Variants in BMPR1A observed in about 807,000 individuals in gnomAD.
The protein encoded by BMPR1A is bone morphogenetic protein receptor type 1A.
A neutral mutation model predicts 66.0 loss-of-function variants in BMPR1A; 7 were observed. The ratio of observed to expected loss-of-function variants is 0.11; its 90% confidence interval spans 0.06 to 0.20. BMPR1A has a LOEUF of 0.20. Ranked by LOEUF, BMPR1A falls within the 10% of genes least tolerant of loss-of-function variation. The pLI is 1.00. For synonymous variants in BMPR1A, 200 were observed against 229.7 expected (o/e 0.87, Z 1.17); for missense variants, 408 against 669.1 (o/e 0.61, Z 4.31).
chr10:86,906,719 G>A (rs1843394495), intron 7 of BMPR1A, among the ~76,000 whole-genome samples: 1 of 5,886 alleles, frequency 1.7e-4, no homozygotes, highest in South Asian at 0.011. Flanking sequence ...GTGAGACTCC[G>A]TCTCAAAAAA....
chr10:86,848,394 T>C (rs1842516464), intron 2 of BMPR1A, among the ~76,000 whole-genome samples: 1 of 152,172 alleles, frequency 6.6e-6, no homozygotes, highest in Admixed American at 6.5e-5. Context: ...TTTAATATTA[T>C]TATGCTTGAA....
intron 3 of BMPR1A, among the ~76,000 whole-genome samples, chr10:86,882,358 G>A (rs1298175587): frequency 6.6e-6 from 1 of 152,068 alleles, no homozygotes; most frequent in Non-Finnish European, 1.5e-5. Flanking sequence ...GGGAGGTGGA[G>A]GTTGCAGTGA....
chr10:86,769,537 A>T (rs1267026105), intron 1 of BMPR1A, among the ~76,000 whole-genome samples: 1 of 152,216 alleles, frequency 6.6e-6, no homozygotes, highest in Admixed American at 6.5e-5. Flanking sequence ...TGCTAAAGAA[A>T]GCCCTAGGCA....
chr10:86,904,249 A>G (rs959999016), intron 7 of BMPR1A, among the ~76,000 whole-genome samples: 17 of 152,252 alleles, frequency 1.1e-4, no homozygotes, highest in African/African-American at 3.1e-4. Flanking sequence ...CTGAAAGCTC[A>G]GCAAACCCTG....
chr10:86,864,622 T>TA (rs1234511895), intron 2 of BMPR1A, among the ~76,000 whole-genome samples: 1 of 152,100 alleles, frequency 6.6e-6, no homozygotes, highest in Non-Finnish European at 1.5e-5. Flanking sequence ...TATGACAACA[T>TA]AAAAAAACTC....
At chr10:86,932,339 A>G (rs983774925), downstream of BMPR1A, 2 of 152,220 alleles carry the variant, frequency 1.3e-5, no homozygotes, top group African/African-American at 4.8e-5. Flanking sequence ...ACCATAATCT[A>G]TAGACCTTAC....
rs2133591953 is a variant in BMPR1A at position 86,919,332 on chromosome 10, C to T, written c.1029C>T (p.Cys343=). 1 of 1,613,626 alleles carries T rather than the reference C, an allele frequency of 6.2e-7. No individual in the cohort carries two copies. The highest frequency in any genetic ancestry group is 8.5e-7 in the Non-Finnish European group (1 of 1,179,880). ...CTTATTCAGCTGCCTGTGGTCTGTG[C>T]CACCTGCACACAGAAATTTATGGCA... ...KLAYSAACGL[C]HLHTEIYGTQ... Residue 343 remains cysteine (C), a synonymous_variant, in exon 10 of 13, where the codon TGC becomes TGT. Coordinates refer to ENST00000372037, the MANE Select transcript of BMPR1A (RefSeq NM_004329.3).
At chr10:86,869,801 C>G (rs1842832621) in intron 2 of BMPR1A, among the ~76,000 whole-genome samples, 1 of 151,438 alleles carries the variant, frequency 6.6e-6, no homozygotes, top group Non-Finnish European at 1.5e-5. Flanking sequence ...TAATATTTTG[C>G]TATGTGATTG....
chr10:86,842,962 A>C (rs761876738), intron 2 of BMPR1A, among the ~76,000 whole-genome samples: 4 of 152,208 alleles, frequency 2.6e-5, no homozygotes, highest in Non-Finnish European at 5.9e-5. Context: ...GCTACAATTC[A>C]AGAGGAGATT....
intron 2 of BMPR1A, among the ~76,000 whole-genome samples, chr10:86,851,046 T>C (rs140417310): frequency 5.4e-4 from 82 of 152,250 alleles, no homozygotes; most frequent in African/African-American, 1.8e-3. Flanking sequence ...CCAGAAATAT[T>C]TTGGAAAGAA....
intron 2 of BMPR1A, among the ~76,000 whole-genome samples, chr10:86,870,492 A>G (rs1842841965): frequency 6.6e-6 from 1 of 152,136 alleles, no homozygotes; most frequent in South Asian, 2.1e-4. Flanking sequence ...GCATAATCAA[A>G]GTTCACTGCA....
At chr10:86,763,189 C>T (rs1055029892) in intron 1 of BMPR1A, among the ~76,000 whole-genome samples, 2 of 152,068 alleles carry the variant, frequency 1.3e-5, no homozygotes, top group Non-Finnish European at 2.9e-5. Flanking sequence ...CCACTGCGCC[C>T]GGCCAGAAGT....
intron 2 of BMPR1A, among the ~76,000 whole-genome samples, chr10:86,867,120 G>T (rs1842796796): frequency 6.6e-6 from 1 of 152,020 alleles, no homozygotes; most frequent in African/African-American, 2.4e-5. Flanking sequence ...ACATTAAACT[G>T]TTTTTTTCTC....
intron 2 of BMPR1A, among the ~76,000 whole-genome samples, chr10:86,867,212 G>A (rs770684832): frequency 1.3e-4 from 20 of 152,182 alleles, no homozygotes; most frequent in Non-Finnish European, 2.5e-4. Flanking sequence ...AAGTTTTTGA[G>A]TGTTGACATG....
chr10:86,770,056 C>G (rs536098910), intron 1 of BMPR1A, among the ~76,000 whole-genome samples: 1 of 151,834 alleles, frequency 6.6e-6, no homozygotes, highest in Non-Finnish European at 1.5e-5. Flanking sequence ...CTTTGGGAGG[C>G]CGAGGTGGGA....
rs182446716 is a variant in BMPR1A, at chr10:86,778,500, C to T, written c.-268+21581C>T. 4.3e-3 allele frequency among the ~76,000 whole-genome samples: 653 copies of T among 152,072 alleles called. 5 individuals carry two copies. Among genetic ancestry groups the T allele is most frequent in the African/African-American group, 0.014 (574 of 41,474 alleles). ...CAATTTTTCTTCTTCCATCGTGGCC[C>T]AGGGAAGCCAAAAGATTGGATACCC... On this transcript the variant is annotated intron_variant, in intron 1 of 12. Coordinates refer to ENST00000372037, the MANE Select transcript of BMPR1A (RefSeq NM_004329.3).
At chr10:86,822,231 C>G (rs970299984) in intron 1 of BMPR1A, among the ~76,000 whole-genome samples, 17 of 152,146 alleles carry the variant, frequency 1.1e-4, no homozygotes, top group African/African-American at 4.1e-4. Flanking sequence ...TTGAAAAATA[C>G]TCATTTTTCT....
chr10:86,780,526 C>T (rs892601915), intron 1 of BMPR1A, among the ~76,000 whole-genome samples: 1 of 152,110 alleles, frequency 6.6e-6, no homozygotes, highest in Admixed American at 6.5e-5. Context: ...CCTCCGCCTC[C>T]CAGGTTCAAG....
At chr10:86,866,416 T>TTTTC in intron 2 of BMPR1A, among the ~76,000 whole-genome samples, 2 of 134,050 alleles carry the variant, frequency 1.5e-5, no homozygotes, top group African/African-American at 5.7e-5. Context: ...TTTTTTTTTT[T>TTTTC]TTTTTTTTTT....
Sources: gnomAD v4.1 joint callset for allele counts (sites outside exome capture counted in the v4.1 genomes callset) on GRCh38, gnomAD v4.1.1 for gene constraint, MANE v1.5 for transcripts, NCBI Gene and HGNC (gene_info 2026-07-23, HGNC 2026-07-21) for gene names.